ABCD2: variants seen among roughly 807,000 people sequenced by gnomAD.
ABCD2 encodes the protein ATP binding cassette subfamily D member 2, also known as ATP-binding cassette sub-family D member 2.
A neutral mutation model predicts 70.9 loss-of-function variants in ABCD2; 36 were observed. The ratio of observed to expected loss-of-function variants is 0.51; its 90% CI spans 0.39 to 0.67. ABCD2 has a LOEUF of 0.67. Ranked by LOEUF, ABCD2 falls within the 30% of genes least tolerant of loss-of-function variation. The probability of loss-of-function intolerance (pLI) is 0.00; values close to 1 mark genes in which losing one functional copy is unlikely to be tolerated. For missense variants in ABCD2, 729 were observed against 890.2 expected (o/e 0.82, Z 2.30); for synonymous variants, 304 against 306.9 (o/e 0.99, Z 0.10).
intron 6 of ABCD2, among the ~76,000 whole-genome samples, chr12:39,588,457 A>C (rs935858254): frequency 1.3e-5 from 2 of 152,214 alleles, no homozygotes; most frequent in African/African-American, 4.8e-5. Flanking sequence ...AGCCACGTGA[A>C]GAAGGAGACA....
chr12:39,558,126 C>A lies in ABCD2; in HGVS notation c.2004-3995G>T, dbSNP rs537748863. 2.6e-5 allele frequency among the ~76,000 whole-genome samples: 4 copies of A among 152,338 alleles called. No homozygotes were observed. In the East Asian group the frequency reaches 7.7e-4, roughly 29 times the overall value. ...GGTGAGCAGCCCAAGGCTATGGGAG[C>A]CCAACTCTTGCATCAGCAGCACCTG... On this transcript the variant is annotated intron_variant, in intron 9 of 9. Coordinates refer to ENST00000308666, the MANE Select transcript of ABCD2 (RefSeq NM_005164.4).
the ABCD2 span, among the ~76,000 whole-genome samples, chr12:39,540,368 G>A: frequency 6.6e-6 from 1 of 152,078 alleles, no homozygotes; most frequent in African/African-American, 2.4e-5. Flanking sequence ...TTAACCCTAT[G>A]TATCCTGACT....
chr12:39,603,766 T>A, intron 5 of ABCD2, 146 bp downstream of exon 5: 1 of 485,298 alleles, frequency 2.1e-6, no homozygotes, highest in Non-Finnish European at 3.6e-6. Flanking sequence ...GAATAACTGC[T>A]TCTGTAATTG....
At chr12:39,603,225 C>A (rs1307589307) in intron 5 of ABCD2, among the ~76,000 whole-genome samples, 1 of 152,048 alleles carries the variant, frequency 6.6e-6, no homozygotes, top group African/African-American at 2.4e-5. Context: ...CAAATCATTT[C>A]TTTGTTTGAA....
chr12:39,566,480 C>A (rs1013732561), intron 9 of ABCD2, among the ~76,000 whole-genome samples: 5 of 152,138 alleles, frequency 3.3e-5, no homozygotes, highest in Non-Finnish European at 5.9e-5. Flanking sequence ...GTGATATTCC[C>A]TTTATCATTT....
At chr12:39,548,581 T>C (rs1941049093), downstream of ABCD2, among the ~76,000 whole-genome samples, 1 of 152,008 alleles carries the variant, frequency 6.6e-6, no homozygotes, top group Non-Finnish European at 1.5e-5. Context: ...GTCACCTGAT[T>C]ATAAGACCTC....
chr12:39,602,444 G>A (rs957701441), intron 5 of ABCD2, among the ~76,000 whole-genome samples: 57 of 152,150 alleles, frequency 3.7e-4, no homozygotes, highest in African/African-American at 7.7e-4. Context: ...ATGAGCCACC[G>A]CGCCCAGCCT....
chr12:39,600,903 A>T (rs1029105276), intron 5 of ABCD2, among the ~76,000 whole-genome samples, 187 bp from the exon 6 acceptor site: 6 of 152,194 alleles, frequency 3.9e-5, no homozygotes, highest in Non-Finnish European at 7.4e-5. Flanking sequence ...AGCTAAAAGC[A>T]TCATAAAATA....
chr12:39,608,523 C>T (rs901878859), intron 2 of ABCD2, among the ~76,000 whole-genome samples: 1 of 151,642 alleles, frequency 6.6e-6, no homozygotes, highest in Non-Finnish European at 1.5e-5. Flanking sequence ...CCCATCTCTA[C>T]CAAAAAAAAC....
intron 8 of ABCD2, among the ~76,000 whole-genome samples, chr12:39,574,683 T>G (rs1166229929): frequency 6.6e-6 from 1 of 152,156 alleles, no homozygotes; most frequent in East Asian, 1.9e-4. Context: ...TCATTTACTA[T>G]TCAATTTGGA....
At chr12:39,602,538 A>G (rs1048685142) in intron 5 of ABCD2, among the ~76,000 whole-genome samples, 3 of 152,184 alleles carry the variant, frequency 2.0e-5, no homozygotes, top group African/African-American at 7.2e-5. Context: ...ATGCAGAGGA[A>G]ACAGAACTTC....
At chr12:39,540,107 T>G in the ABCD2 span, among the ~76,000 whole-genome samples, 21 of 152,202 alleles carry the variant, frequency 1.4e-4, no homozygotes, top group Admixed American at 3.3e-4. Context: ...CAGCCGGCCA[T>G]CCAGCAAGGG....
At chr12:39,559,367 G>A (rs1395509588) in intron 9 of ABCD2, among the ~76,000 whole-genome samples, 1 of 117,762 alleles carries the variant, frequency 8.5e-6, no homozygotes, top group Non-Finnish European at 1.6e-5. Context: ...ACAAGAGTGA[G>A]ACTCCAGCTC....
chr12:39,535,044 G>A, the ABCD2 span, among the ~76,000 whole-genome samples: 1 of 152,154 alleles, frequency 6.6e-6, no homozygotes, highest in Non-Finnish European at 1.5e-5. Flanking sequence ...TCACTATCTA[G>A]TTAACTTCCT....
intron 9 of ABCD2, among the ~76,000 whole-genome samples, chr12:39,565,818 A>G (rs1819491712): frequency 6.6e-6 from 1 of 152,152 alleles, no homozygotes. Flanking sequence ...TACCTAATTT[A>G]TTGAGAGTTT....
At chr12:39,605,357 TATGAA>T (rs1941955492) in intron 3 of ABCD2, among the ~76,000 whole-genome samples, 2 of 152,080 alleles carry the variant, frequency 1.3e-5, no homozygotes, top group Admixed American at 6.6e-5. Flanking sequence ...TTTGTCCTAT[TATGAA>T]ATGAATGTTT....
rs1473170831 is a variant in ABCD2 at position 39,618,944 on chromosome 12, C to G, written c.672G>C (p.Leu224Phe). The G allele has an allele frequency of 7.4e-6, 12 of 1,614,106 alleles. No homozygotes were observed. In the Admixed American group the frequency reaches 1.7e-4, roughly 22 times the overall value. The change falls in exon 1 of 10, where the codon TTG becomes TTC. Residue 224 changes from leucine (L) to phenylalanine (F), a missense_variant. Physicochemically the swap from Leu to Phe is conservative, Grantham distance 22. Around this residue, in one of 3 missense-constraint regions of ABCD2, gnomAD observed 195 missense variants for 300.2 expected, o/e 0.65. Coordinates refer to ENST00000308666, the MANE Select transcript of ABCD2 (RefSeq NM_005164.4). ...IMMFSQSVAH[L>F]YSNLTKPILD... is the part of the protein sequence containing the mutation. ...AAATAGGTTTGGTCAGATTGGAATA[C>G]AAGTGAGCCACAGATTGGGAGAACA...
At chr12:39,588,081 G>A (rs1941690550) in intron 6 of ABCD2, among the ~76,000 whole-genome samples, 1 of 152,166 alleles carries the variant, frequency 6.6e-6, no homozygotes. Context: ...CACTGTGGAA[G>A]AAGAAAGATA....
intron 2 of ABCD2, among the ~76,000 whole-genome samples, chr12:39,612,171 A>G (rs929726952): frequency 6.6e-6 from 1 of 152,322 alleles, no homozygotes; most frequent in East Asian, 1.9e-4. Context: ...TGTTTTACAA[A>G]ATCTGCTAAA....
Sources: gnomAD v4.1 joint callset for allele counts (sites outside exome capture counted in the v4.1 genomes callset) on GRCh38, gnomAD v4.1.1 for gene constraint, gnomAD v4.1.1 regional missense constraint, MANE v1.5 for transcripts, NCBI Gene and HGNC (gene_info 2026-07-23, HGNC 2026-07-21) for gene names.